The following DSE variants were observed in gnomAD, a reference collection of about 807,000 sequenced individuals.
DSE encodes dermatan-sulfate epimerase.
In DSE, 36 loss-of-function variants were observed where a neutral mutation model predicts 84.4. The observed-to-expected ratio is 0.43, with a 90% confidence interval of 0.33 to 0.56. DSE has a LOEUF of 0.56. Ranked by LOEUF, DSE falls within the 20% of genes least tolerant of loss-of-function variation. The pLI, the probability that DSE is intolerant of heterozygous loss-of-function variation, is 0.06. For missense variants in DSE, 862 were observed against 1,169.6 expected (o/e 0.74, Z 3.84); for synonymous variants, 410 against 430.1 (o/e 0.95, Z 0.58).
intron 2 of DSE, among the ~76,000 whole-genome samples, chr6:116,287,649 G>GT (rs1774003936): frequency 6.6e-6 from 1 of 151,990 alleles, no homozygotes; most frequent in Non-Finnish European, 1.5e-5. Flanking sequence ...ATATAAATAG[G>GT]TTTTCCCTCT....
intron 2 of DSE, among the ~76,000 whole-genome samples, chr6:116,308,625 A>G (rs998613413): frequency 6.6e-6 from 1 of 152,168 alleles, no homozygotes; most frequent in Non-Finnish European, 1.5e-5. Flanking sequence ...AGCCTCAAGT[A>G]TACCTTCTAT....
At chr6:116,420,967 G>C (rs1038822875) in intron 2 of DSE, among the ~76,000 whole-genome samples, 4 of 152,090 alleles carry the variant, frequency 2.6e-5, no homozygotes, top group African/African-American at 9.7e-5. Context: ...TATGATAATA[G>C]AAGCAGTCTA....
Position 116,436,407 on chromosome 6 carries a change from G to T in DSE, c.1939G>T (p.Val647Leu). ...RGYPYNGTNY[V>L]NVTMHLRSPI... is the part of the protein sequence containing the mutation. Reference sequence around the variant, plus strand: ...CTATCCCTACAATGGGACAAACTATGTGAATGTCACCATGCACCTCCGAAG... The same window carrying T: ...CTATCCCTACAATGGGACAAACTATTTGAATGTCACCATGCACCTCCGAAG... Residue 647 changes from valine to leucine, a missense_variant, in exon 6 of 6, where the codon GTG becomes TTG. Transcript: ENST00000644252. 1 of 1,614,140 alleles carries T rather than the reference G, an allele frequency of 6.2e-7. No homozygotes were observed. Among genetic ancestry groups the T allele is most frequent in the Non-Finnish European group, 8.5e-7 (1 of 1,180,020 alleles).
At chr6:116,300,814 T>C in intron 2 of DSE, among the ~76,000 whole-genome samples, 1 of 152,186 alleles carries the variant, frequency 6.6e-6, no homozygotes, top group Non-Finnish European at 1.5e-5. Flanking sequence ...CCAGCAGTGT[T>C]CCTAATGCCA....
chr6:116,255,129 A>T (rs1474896769), intron 1 of DSE: 1 of 152,172 alleles, frequency 6.6e-6, no homozygotes. Flanking sequence ...AAAATGCAAG[A>T]CCAAAGGGAA....
At chr6:116,336,481 C>A (rs1339166918) in intron 2 of DSE, among the ~76,000 whole-genome samples, 3 of 152,136 alleles carry the variant, frequency 2.0e-5, no homozygotes, top group African/African-American at 7.2e-5. Flanking sequence ...GTAGGCCGGG[C>A]GCAGTGGCTC....
intron 2 of DSE, among the ~76,000 whole-genome samples, chr6:116,265,958 C>CCAT (rs1198342226): frequency 6.6e-6 from 1 of 152,172 alleles, no homozygotes; most frequent in East Asian, 1.9e-4. Context: ...CCTTGAGTGT[C>CCAT]CATGGTGGTC....
At chr6:116,279,217 G>A (rs779970239) in intron 2 of DSE, 3 of 1,609,434 alleles carry the variant, frequency 1.9e-6, no homozygotes, top group Middle Eastern at 1.7e-4. Flanking sequence ...ATCCTCCTCC[G>A]CCACTTCTAT....
chr6:116,261,714 A>G (rs11531429), intron 2 of DSE, among the ~76,000 whole-genome samples: 36,737 of 152,116 alleles, frequency 0.24, 5,555 homozygotes, highest in East Asian at 0.64. Context: ...TTGCCTATTC[A>G]TTATGATGTT....
intron 2 of DSE, among the ~76,000 whole-genome samples, chr6:116,426,030 A>G (rs1399924309): frequency 6.6e-6 from 1 of 152,248 alleles, no homozygotes; most frequent in Non-Finnish European, 1.5e-5. Flanking sequence ...CACGTTTGCC[A>G]CGCTTCCCAC....
At chr6:116,345,765 G>A (rs1436762583) in intron 2 of DSE, among the ~76,000 whole-genome samples, 2 of 152,098 alleles carry the variant, frequency 1.3e-5, no homozygotes, top group African/African-American at 4.8e-5. Context: ...AAATAACTAA[G>A]ATCAGAGCAG....
At chr6:116,315,755 A>C (rs993786368) in intron 2 of DSE, among the ~76,000 whole-genome samples, 5 of 152,234 alleles carry the variant, frequency 3.3e-5, no homozygotes, top group Admixed American at 6.5e-5. Flanking sequence ...TAATCCCAGC[A>C]CTTTGGGAGG....
chr6:116,346,635 T>C (rs1777991017), intron 2 of DSE, among the ~76,000 whole-genome samples: 1 of 152,168 alleles, frequency 6.6e-6, no homozygotes, highest in Non-Finnish European at 1.5e-5. Context: ...TAATAAGAGC[T>C]ATTTATGACA....
intron 2 of DSE, among the ~76,000 whole-genome samples, chr6:116,326,322 G>A (rs1158185626): frequency 6.6e-6 from 1 of 151,884 alleles, no homozygotes; most frequent in Non-Finnish European, 1.5e-5. Context: ...CTGAGGCAAG[G>A]GTTCTTTTCA....
intron 2 of DSE, among the ~76,000 whole-genome samples, chr6:116,425,870 T>C (rs901843113): frequency 6.6e-6 from 1 of 152,096 alleles, no homozygotes. Context: ...GATCCGCCCG[T>C]CTCGGCCTCC....
At chr6:116,291,361 G>A (rs1275222233) in intron 2 of DSE, among the ~76,000 whole-genome samples, 3 of 151,790 alleles carry the variant, frequency 2.0e-5, no homozygotes, top group African/African-American at 4.8e-5. Flanking sequence ...ATTTTGAGAT[G>A]AGTCCTAATA....
At chr6:116,321,337 A>ATTTTTT (rs66863151) in intron 2 of DSE, among the ~76,000 whole-genome samples, 1 of 115,558 alleles carries the variant, frequency 8.7e-6, no homozygotes. Flanking sequence ...CTAATTTTTC[A>ATTTTTT]TTTTTTTTTT....
chr6:116,300,247 G>A (rs183005566), intron 2 of DSE, among the ~76,000 whole-genome samples: 1 of 152,296 alleles, frequency 6.6e-6, no homozygotes, highest in East Asian at 1.9e-4. Flanking sequence ...ACAGAGTCAT[G>A]TCCGAATAGT....
rs547851224 is a variant in DSE, at chr6:116,311,281, A to G, written c.-54+52314A>G. ...TCTTTATATACATGTTTGTTTTCAT[A>G]TCGCCTTTCTCTCCCACCAGAATAT... On this transcript the variant is annotated intron_variant, in intron 2 of 3. Coordinates refer to the DSE transcript ENST00000430252. Among the ~76,000 whole-genome samples the G allele has an allele frequency of 3.3e-5, 5 of 152,294 alleles. No homozygotes were observed. The South Asian group carries it at 1.0e-3, about 32-fold the overall frequency.
Sources: allele counts gnomAD v4.1 joint callset (sites outside exome capture counted in the v4.1 genomes callset), GRCh38; gene constraint gnomAD v4.1.1; transcripts MANE v1.5; gene names NCBI Gene and HGNC (gene_info 2026-07-23, HGNC 2026-07-21).